Variants in STAB2 observed in about 807,000 individuals in gnomAD.
STAB2 encodes the protein stabilin 2.
Under a neutral mutation model 338.1 loss-of-function variants are expected in STAB2, and 288 were observed. The ratio of observed to expected loss-of-function variants is 0.85; its 90% CI spans 0.77 to 0.94. The LOEUF (loss-of-function observed/expected upper bound fraction) is 0.94. STAB2 is among the 40% of genes least tolerant of loss of function. The pLI is 0.00. For missense variants in STAB2, 3,141 were observed against 3,210.1 expected (o/e 0.98, Z 0.52); for synonymous variants, 1,202 against 1,193.3 (o/e 1.01, Z -0.15).
chr12:103,640,279 C>T, intron 9 of STAB2, 23 bp downstream of exon 9: 1 of 1,596,098 alleles, frequency 6.3e-7, no homozygotes, highest in Non-Finnish European at 8.6e-7. Flanking sequence ...AATTCCTCCA[C>T]CAACATTTCC....
At position 103,673,905 on chromosome 12, in the gene STAB2, AG is replaced by A. The variant is rs1170364383; in HGVS notation, c.2372-1del. ...CGGATGTCCCTCCTCCTCCTCTTTC[AG>A]AATGCCTGTGCGTTCACGGAACATG... On this transcript the variant is annotated splice_acceptor_variant, in intron 22 of 68. Coordinates refer to ENST00000388887, the MANE Select transcript of STAB2 (RefSeq NM_017564.10). LOFTEE classifies it high-confidence loss of function. The A allele has an allele frequency of 6.2e-7, 1 of 1,607,956 alleles. No individual in the cohort carries two copies. Among genetic ancestry groups the A allele is most frequent in the Non-Finnish European group, 8.5e-7 (1 of 1,175,204 alleles).
In STAB2 at chr12:103,652,548, T is replaced by C. The variant is rs1163054630; in HGVS notation, c.1258-8T>C. 6.5e-7 allele frequency: 1 copy of C among 1,542,106 alleles called. No individual in the cohort carries two copies. The highest frequency in any genetic ancestry group is 8.7e-7 in the Non-Finnish European group (1 of 1,146,040). ...CAAATAATAGTAAAATTGGCTCTTCTCTCTTAGGTAAATGAGCTTTTGGTG... is the reference window on the plus strand; with the variant it reads ...CAAATAATAGTAAAATTGGCTCTTCCCTCTTAGGTAAATGAGCTTTTGGTG... On this transcript the variant is annotated splice_region_variant and splice_polypyrimidine_tract_variant and intron_variant, in intron 11 of 68. Coordinates refer to ENST00000388887, the MANE Select transcript of STAB2 (RefSeq NM_017564.10).
chr12:103,593,275 T>G (rs1956827247), intron 2 of STAB2, among the ~76,000 whole-genome samples: 1 of 152,208 alleles, frequency 6.6e-6, no homozygotes, highest in South Asian at 2.1e-4. Context: ...CAATTTACAT[T>G]CTCACCAACA....
intron 23 of STAB2, among the ~76,000 whole-genome samples, chr12:103,674,901 C>G (rs1379999903): frequency 6.6e-6 from 1 of 152,152 alleles, no homozygotes; most frequent in Non-Finnish European, 1.5e-5. Flanking sequence ...ATAGAAATGC[C>G]TTTTCCTAAG....
Position 103,594,498 on chromosome 12 carries a change from C to A in STAB2, c.319C>A (p.Pro107Thr). The change falls in exon 3 of 69, where the codon CCA becomes ACA. Residue 107 changes from proline to threonine, a missense_variant. Coordinates refer to ENST00000388887, the MANE Select transcript of STAB2 (RefSeq NM_017564.10). Reference sequence around the variant, plus strand: ...TCGGTGTTGTCCTGGCCGCTGGGGCCCAGACTGTATAGGTAAGTGGCACAA... The same window carrying A: ...TCGGTGTTGTCCTGGCCGCTGGGGCACAGACTGTATAGGTAAGTGGCACAA... ...QPRCCPGRWG[P>T]DCIECPGGAG... The A allele has an allele frequency of 6.2e-7, 1 of 1,613,538 alleles. No homozygotes were observed. Among genetic ancestry groups the A allele is most frequent in the Non-Finnish European group, 8.5e-7 (1 of 1,179,558 alleles).
At chr12:103,631,778 C>A in intron 6 of STAB2, 85 bp downstream of exon 6, 1 of 1,347,176 alleles carries the variant, frequency 7.4e-7, no homozygotes, top group Non-Finnish European at 1.1e-6. Flanking sequence ...GTTACTGGTT[C>A]TCTGCAGGGG....
intron 34 of STAB2, among the ~76,000 whole-genome samples, chr12:103,700,526 C>G (rs1420924125): frequency 6.6e-6 from 1 of 152,206 alleles, no homozygotes; most frequent in African/African-American, 2.4e-5. Flanking sequence ...ATATTTTTCT[C>G]AGACTCCTAC....
chr12:103,660,451 C>A (rs1874512782), intron 16 of STAB2, 67 bp downstream of exon 16: 3 of 1,567,922 alleles, frequency 1.9e-6, no homozygotes, highest in Non-Finnish European at 2.6e-6. Flanking sequence ...GTCTTGAATT[C>A]CAATATTTTG....
intron 3 of STAB2, among the ~76,000 whole-genome samples, chr12:103,607,080 G>A (rs1053904759): frequency 2.0e-5 from 3 of 151,926 alleles, no homozygotes; most frequent in South Asian, 2.1e-4. Flanking sequence ...TTTTCCCTTT[G>A]GCTGCTTTTA....
intron 27 of STAB2, among the ~76,000 whole-genome samples, chr12:103,687,794 G>A (rs1053170191): frequency 4.6e-5 from 7 of 152,146 alleles, no homozygotes; most frequent in South Asian, 2.1e-4. Context: ...ACTCACCAAC[G>A]GCTCTGAAAG....
intron 63 of STAB2, 76 bp from the exon 64 acceptor site, chr12:103,758,094 C>T (rs904089662): frequency 7.0e-5 from 112 of 1,596,306 alleles, no homozygotes; most frequent in Non-Finnish European, 7.9e-5. Context: ...TGGGTGATGC[C>T]CTGGGACCTT....
At chr12:103,735,863 T>C (rs1882078360) in intron 52 of STAB2, among the ~76,000 whole-genome samples, 1 of 152,112 alleles carries the variant, frequency 6.6e-6, no homozygotes, top group Non-Finnish European at 1.5e-5. Context: ...GTGTAGAGCA[T>C]TTTCCAATGT....
At chr12:103,725,527 G>A (rs1881112768) in intron 45 of STAB2, among the ~76,000 whole-genome samples, 2 of 152,230 alleles carry the variant, frequency 1.3e-5, no homozygotes, top group Admixed American at 1.3e-4. Flanking sequence ...GGCGTGGATT[G>A]CAGTGTGTGC....
chr12:103,733,728 C>T (rs931492025), intron 51 of STAB2, among the ~76,000 whole-genome samples: 1 of 151,988 alleles, frequency 6.6e-6, no homozygotes, highest in African/African-American at 2.4e-5. Flanking sequence ...CAAGCACAAT[C>T]ATATAGGAAT....
At chr12:103,669,973 GT>G (rs1455744387) in intron 21 of STAB2, among the ~76,000 whole-genome samples, 14 of 152,152 alleles carry the variant, frequency 9.2e-5, no homozygotes, top group African/African-American at 2.4e-5. Context: ...TTTTATGATA[GT>G]TAAAAAATAG....
intron 8 of STAB2, 58 bp from the exon 9 acceptor site, chr12:103,640,065 T>C (rs1417101547): frequency 1.3e-6 from 2 of 1,539,854 alleles, no homozygotes; most frequent in African/African-American, 1.4e-5. Context: ...TAAAGAAGAA[T>C]GCCAGCTGAA....
intron 9 of STAB2, among the ~76,000 whole-genome samples, chr12:103,643,987 A>T (rs1873132241): frequency 2.3e-5 from 2 of 87,542 alleles, no homozygotes; most frequent in African/African-American, 4.6e-5. Context: ...CCTACTGGGA[A>T]GTGAGGAGCC....
intron 39 of STAB2, among the ~76,000 whole-genome samples, chr12:103,710,297 T>C (rs1169481498): frequency 6.6e-6 from 1 of 152,176 alleles, no homozygotes; most frequent in Non-Finnish European, 1.5e-5. Flanking sequence ...CTCCCATCCC[T>C]GTCTCCAGTG....
intron 43 of STAB2, 100 bp from the exon 44 acceptor site, chr12:103,717,670 T>C (rs1025843738): frequency 3.7e-5 from 35 of 934,520 alleles, no homozygotes; most frequent in Non-Finnish European, 5.7e-5. Flanking sequence ...TCTCCTAACA[T>C]TACCATGACC....
Sources: gnomAD v4.1 joint callset for allele counts (sites outside exome capture counted in the v4.1 genomes callset) on GRCh38, gnomAD v4.1.1 for gene constraint, MANE v1.5 for transcripts, NCBI Gene and HGNC (gene_info 2026-07-23, HGNC 2026-07-21) for gene names.